The following UGT1A4 variants were observed in gnomAD, a reference collection of about 807,000 sequenced individuals.
UGT1A4 encodes UDP glucuronosyltransferase family 1 member A4.
In UGT1A4, 32 loss-of-function variants were observed where a neutral mutation model predicts 41.1. That is an observed-to-expected ratio of 0.78 (90% CI 0.59 to 1.05). The LOEUF is 1.05. Among genes scored for constraint, UGT1A4 ranks in the 50% least tolerant of loss-of-function variants. The pLI is 0.00. For synonymous variants in UGT1A4, 283 were observed against 265.1 expected (o/e 1.07, Z -0.66); for missense variants, 748 against 677.4 (o/e 1.10, Z -1.16).
intron 1 of UGT1A4, chr2:233,760,971 C>A (rs773436128): frequency 6.2e-7 from 1 of 1,614,154 alleles, no homozygotes; most frequent in Non-Finnish European, 8.5e-7. Context: ...TGGTTTATTC[C>A]CCGTATGCAA....
chr2:233,739,272 C>A (rs1444866031), intron 1 of UGT1A4, among the ~76,000 whole-genome samples: 1 of 152,138 alleles, frequency 6.6e-6, no homozygotes, highest in African/African-American at 2.4e-5. Context: ...AGGTTGGAGC[C>A]CCCACACAGA....
intron 1 of UGT1A4, among the ~76,000 whole-genome samples, chr2:233,764,509 G>A (rs1698579622): frequency 6.6e-6 from 1 of 152,192 alleles, no homozygotes; most frequent in Non-Finnish European, 1.5e-5. Flanking sequence ...GTTCAATTTT[G>A]TGTGAATCAC....
intron 1 of UGT1A4, among the ~76,000 whole-genome samples, chr2:233,728,192 C>T (rs2077688908): frequency 6.6e-6 from 1 of 152,192 alleles, no homozygotes; most frequent in Non-Finnish European, 1.5e-5. Context: ...GAACTTGGTG[C>T]TGGATTGACT....
chr2:233,742,421 C>T (rs114948883), intron 1 of UGT1A4, among the ~76,000 whole-genome samples: 5,160 of 152,060 alleles, frequency 0.034, 167 homozygotes, highest in African/African-American at 0.052. Context: ...ACACCTTAAG[C>T]GGTTTTCCTC....
intron 1 of UGT1A4, chr2:233,761,239 G>A (rs147865713): frequency 6.2e-7 from 1 of 1,612,198 alleles, no homozygotes; most frequent in Admixed American, 1.7e-5. Context: ...TATATGCTGA[G>A]CAAGCATTCT....
chr2:233,744,892 C>T (rs28900378), intron 1 of UGT1A4, among the ~76,000 whole-genome samples: 4,281 of 151,940 alleles, frequency 0.028, 301 homozygotes, highest in African/African-American at 0.097. Context: ...ACCCTCCTCT[C>T]CATACCAAAA....
chr2:233,761,889 C>G (rs2125994271), intron 1 of UGT1A4, among the ~76,000 whole-genome samples: 1 of 152,322 alleles, frequency 6.6e-6, no homozygotes, highest in Middle Eastern at 3.4e-3. Context: ...TTCACTTATC[C>G]TGCAAAGATT....
intron 1 of UGT1A4, chr2:233,747,987 G>A: frequency 6.2e-7 from 1 of 1,613,454 alleles, no homozygotes; most frequent in Non-Finnish European, 8.5e-7. Context: ...GCTGTTCCGA[G>A]GGGACTTTGT....
intron 1 of UGT1A4, chr2:233,760,357 G>A (rs1697415689): frequency 6.2e-7 from 1 of 1,613,982 alleles, no homozygotes; most frequent in African/African-American, 1.3e-5. Flanking sequence ...GGGCCCAGTG[G>A]TGTCCCATGC....
chr2:233,725,061 C>T (rs1212157566), intron 1 of UGT1A4, among the ~76,000 whole-genome samples: 1 of 147,216 alleles, frequency 6.8e-6, no homozygotes, highest in Admixed American at 6.8e-5. Flanking sequence ...GCGGCGCGCG[C>T]CTGCAATCGC....
intron 1 of UGT1A4, among the ~76,000 whole-genome samples, chr2:233,742,480 C>T (rs1691993513): frequency 6.6e-6 from 1 of 151,918 alleles, no homozygotes; most frequent in Non-Finnish European, 1.5e-5. Flanking sequence ...AACTCACAAC[C>T]TTCAGCATAG....
chr2:233,718,961 C>T lies in UGT1A4; in HGVS notation c.141C>T (p.Ala47=). Residue 47 remains alanine (A), a synonymous_variant, in exon 1 of 5, where the codon GCC becomes GCT. Coordinates refer to ENST00000373409, the MANE Select transcript of UGT1A4 (RefSeq NM_007120.3). ...DGSPWLSMRE[A]LRELHARGHQ... ...GCCCCTGGCTCAGCATGCGGGAGGC[C>T]TTGCGGGAGCTCCATGCCAGAGGCC... is the stretch of plus-strand genomic sequence containing the variant. 6.2e-7 allele frequency: 1 copy of T among 1,614,218 alleles called. No homozygotes were observed. The highest frequency in any genetic ancestry group is 1.1e-5 in the South Asian group (1 of 91,078).
chr2:233,720,478 G>A (rs1452350529), intron 1 of UGT1A4, among the ~76,000 whole-genome samples: 1 of 152,164 alleles, frequency 6.6e-6, no homozygotes, highest in African/African-American at 2.4e-5. Flanking sequence ...GAATGGACAT[G>A]TGTCCAAGAA....
At chr2:233,760,316 C>T in intron 1 of UGT1A4, 1 of 1,614,002 alleles carries the variant, frequency 6.2e-7, no homozygotes, top group South Asian at 1.1e-5. Flanking sequence ...GGCGGACGCC[C>T]ACTTGTCCTG....
intron 1 of UGT1A4, among the ~76,000 whole-genome samples, chr2:233,744,984 T>A (rs1359972608): frequency 1.3e-5 from 2 of 151,892 alleles, no homozygotes; most frequent in Non-Finnish European, 2.9e-5. Flanking sequence ...CCTCTAGTCA[T>A]CTCTTGATTA....
At chr2:233,753,903 T>TA in intron 1 of UGT1A4, among the ~76,000 whole-genome samples, 1 of 152,344 alleles carries the variant, frequency 6.6e-6, no homozygotes, top group East Asian at 1.9e-4. Flanking sequence ...ACATGCTTCT[T>TA]ACACCGATTT....
At chr2:233,768,004 T>C in intron 3 of UGT1A4, 68 bp downstream of exon 3, 1 of 1,614,092 alleles carries the variant, frequency 6.2e-7, no homozygotes, top group South Asian at 1.1e-5. Context: ...TAAGCACAGC[T>C]ATTCTAAAGG....
At chr2:233,753,038 T>C (rs1254734461) in intron 1 of UGT1A4, among the ~76,000 whole-genome samples, 1 of 152,162 alleles carries the variant, frequency 6.6e-6, no homozygotes, top group Non-Finnish European at 1.5e-5. Flanking sequence ...AAAACTACCA[T>C]GAAACTGTTC....
In UGT1A4 at chr2:233,768,291, G is replaced by T; in HGVS notation, c.1159G>T (p.Val387Phe). The change falls in exon 4 of 5, where the codon GTT becomes TTT. Residue 387 changes from valine to phenylalanine, a missense_variant. Physicochemically the swap from Val to Phe is conservative, Grantham distance 50. Coordinates refer to ENST00000373409, the MANE Select transcript of UGT1A4 (RefSeq NM_007120.3). ...HGVYESICNG[V>F]PMVMMPLFGD... ...TGTTTATGAAAGCATATGCAATGGC[G>T]TTCCCATGGTGATGATGCCCTTGTT... is the stretch of plus-strand genomic sequence containing the variant. 1 of 1,614,148 alleles carries T rather than the reference G, an allele frequency of 6.2e-7. No homozygotes were observed. Among genetic ancestry groups the T allele is most frequent in the Non-Finnish European group, 8.5e-7 (1 of 1,180,032 alleles).
Sources: allele counts gnomAD v4.1 joint callset (sites outside exome capture counted in the v4.1 genomes callset), GRCh38; gene constraint gnomAD v4.1.1; transcripts MANE v1.5; gene names NCBI Gene and HGNC (gene_info 2026-07-23, HGNC 2026-07-21).